The following SPTLC3 variants were observed in gnomAD, a reference collection of about 807,000 sequenced individuals.
The protein encoded by SPTLC3 is serine palmitoyltransferase long chain base subunit 3, also known as serine palmitoyltransferase 3.
A neutral mutation model predicts 59.3 loss-of-function variants in SPTLC3; 36 were observed. That is an observed-to-expected ratio of 0.61 (90% CI 0.47 to 0.80). The LOEUF is 0.80. Ranked by LOEUF, SPTLC3 falls within the 30% of genes least tolerant of loss-of-function variation. The pLI, the probability that SPTLC3 is intolerant of heterozygous loss-of-function variation, is 0.00. For synonymous variants in SPTLC3, 257 were observed against 240.8 expected (o/e 1.07, Z -0.62); for missense variants, 625 against 685.1 (o/e 0.91, Z 0.98).
intron 1 of SPTLC3, among the ~76,000 whole-genome samples, chr20:13,046,974 A>C (rs1031116086): frequency 4.6e-5 from 7 of 152,182 alleles, no homozygotes; most frequent in Non-Finnish European, 1.0e-4. Context: ...GACACACTAG[A>C]CAGGAATATC....
intron 1 of SPTLC3, among the ~76,000 whole-genome samples, chr20:13,034,916 C>T (rs1986668233): frequency 6.6e-6 from 1 of 152,070 alleles, no homozygotes; most frequent in African/African-American, 2.4e-5. Flanking sequence ...TGCAGTGGTC[C>T]AGGAGAAAGG....
intron 1 of SPTLC3, among the ~76,000 whole-genome samples, chr20:13,020,843 T>C (rs1428959290): frequency 1.3e-5 from 2 of 152,136 alleles, no homozygotes; most frequent in Non-Finnish European, 2.9e-5. Flanking sequence ...TGATCCATTC[T>C]TTATGAGGCT....
chr20:13,086,387 C>T (rs1989005902), intron 4 of SPTLC3, among the ~76,000 whole-genome samples: 1 of 152,212 alleles, frequency 6.6e-6, no homozygotes, highest in African/African-American at 2.4e-5. Context: ...AAATCCACCT[C>T]ACCCTAGACC....
chr20:13,108,165 A>C (rs1446698394), intron 6 of SPTLC3, among the ~76,000 whole-genome samples: 2 of 152,194 alleles, frequency 1.3e-5, no homozygotes, highest in East Asian at 1.9e-4. Flanking sequence ...CTGATATTGC[A>C]CTATCAAATT....
At chr20:13,081,418 C>T (rs1988838665) in intron 4 of SPTLC3, among the ~76,000 whole-genome samples, 1 of 152,120 alleles carries the variant, frequency 6.6e-6, no homozygotes, top group South Asian at 2.1e-4. Context: ...TATCAAGGCT[C>T]TTCCTGTGTT....
At chr20:13,042,338 C>G (rs1030085677) in intron 1 of SPTLC3, among the ~76,000 whole-genome samples, 6 of 152,152 alleles carry the variant, frequency 3.9e-5, no homozygotes, top group Admixed American at 6.6e-5. Context: ...TCCCACTGGG[C>G]AAAGCCAATG....
chr20:13,074,557 T>C, intron 4 of SPTLC3, 60 bp downstream of exon 4: 1 of 1,530,616 alleles, frequency 6.5e-7, no homozygotes, highest in South Asian at 1.2e-5. Context: ...CTTGTGTCTG[T>C]CTCTCAAATC....
intron 6 of SPTLC3, among the ~76,000 whole-genome samples, chr20:13,104,104 A>G (rs1989736938): frequency 6.6e-6 from 1 of 152,230 alleles, no homozygotes; most frequent in Admixed American, 6.5e-5. Flanking sequence ...GATTATTCCA[A>G]GTATTTAGTA....
chr20:13,073,324 C>T (rs574726178), intron 3 of SPTLC3, among the ~76,000 whole-genome samples: 23 of 152,250 alleles, frequency 1.5e-4, no homozygotes, highest in African/African-American at 5.3e-4. Flanking sequence ...CTGTGCCTTG[C>T]TTATTTCACT....
chr20:13,049,003 C>A lies in SPTLC3; in HGVS notation c.176C>A (p.Pro59His). 6.2e-7 allele frequency: 1 copy of A among 1,606,004 alleles called. No homozygotes were observed. The highest frequency in any genetic ancestry group is 8.5e-7 in the Non-Finnish European group (1 of 1,177,546). The change falls in exon 2 of 12, where the codon CCC (proline) becomes CAC (histidine). Residue 59 changes from proline to histidine, a missense_variant. Transcript: ENST00000399002. ...KLIVESFEEA[P>H]LHVMVFTYMG... is the part of the protein sequence containing the mutation. The stretch of plus-strand genomic sequence containing the variant: ...ATTGTTGAATCGTTTGAGGAAGCAC[C>A]CCTTCATGTTATGGTTTTCACTTAC...
In SPTLC3 at chr20:13,091,151, G is replaced by C. The variant is rs760665633; in HGVS notation, c.676G>C (p.Val226Leu). The C allele has an allele frequency of 8.1e-6, 13 of 1,614,038 alleles. No individual in the cohort carries two copies. Among genetic ancestry groups the C allele is most frequent in the Non-Finnish European group, 1.1e-5 (13 of 1,179,932 alleles). The change falls in exon 5 of 12, where the codon GTC becomes CTC. Residue 226 changes from valine to leucine, a missense_variant. Val to Leu is a conservative substitution (Grantham distance 32, BLOSUM62 1). Transcript: ENST00000399002. ...GTTCCTGAATGTGGAAGCAGCTATG[G>C]TCTTTGGGATGGGATTCGCAACTAA... ...AKFLNVEAAMVFGMGFATNSM... is the reference protein window; with the variant it reads ...AKFLNVEAAMLFGMGFATNSM...
At chr20:13,040,260 T>A (rs545096606) in intron 1 of SPTLC3, among the ~76,000 whole-genome samples, 2 of 152,306 alleles carry the variant, frequency 1.3e-5, no homozygotes, top group Admixed American at 1.3e-4. Flanking sequence ...GCATAATATA[T>A]GTCTATATAT....
chr20:13,105,395 C>T (rs1906021919), intron 6 of SPTLC3, among the ~76,000 whole-genome samples: 1 of 152,132 alleles, frequency 6.6e-6, no homozygotes, highest in South Asian at 2.1e-4. Context: ...CAACGAAGTC[C>T]CTGACTTGGA....
intron 7 of SPTLC3, among the ~76,000 whole-genome samples, chr20:13,112,631 C>T (rs1338731748): frequency 6.6e-6 from 1 of 152,224 alleles, no homozygotes; most frequent in African/African-American, 2.4e-5. Flanking sequence ...GAAGTCCCCA[C>T]TTTCCAAGAA....
At chr20:13,101,306 T>C (rs1989591918) in intron 6 of SPTLC3, among the ~76,000 whole-genome samples, 1 of 152,196 alleles carries the variant, frequency 6.6e-6, no homozygotes, top group Non-Finnish European at 1.5e-5. Context: ...TGCACAGCAC[T>C]TGTTAACACT....
At chr20:13,025,157 C>G (rs906060891) in intron 1 of SPTLC3, among the ~76,000 whole-genome samples, 2 of 152,192 alleles carry the variant, frequency 1.3e-5, no homozygotes, top group Non-Finnish European at 2.9e-5. Context: ...CAGGTAATAA[C>G]TGCTACCATA....
At chr20:13,029,038 C>T (rs565969935) in intron 1 of SPTLC3, among the ~76,000 whole-genome samples, 5 of 152,288 alleles carry the variant, frequency 3.3e-5, no homozygotes, top group Admixed American at 6.5e-5. Flanking sequence ...AAACAAACTC[C>T]GAAGGAGCCC....
intron 9 of SPTLC3, among the ~76,000 whole-genome samples, chr20:13,127,001 C>G (rs867269298): frequency 6.6e-6 from 1 of 152,206 alleles, no homozygotes; most frequent in African/African-American, 2.4e-5. Context: ...CGTGTGTGTG[C>G]GCGCACGTGA....
At chr20:13,089,338 T>A (rs1451631918) in intron 4 of SPTLC3, among the ~76,000 whole-genome samples, 1 of 152,210 alleles carries the variant, frequency 6.6e-6, no homozygotes, top group Non-Finnish European at 1.5e-5. Flanking sequence ...CAGAAAGCAC[T>A]GCTCAATAAA....
Sources: gnomAD v4.1 joint callset for allele counts (sites outside exome capture counted in the v4.1 genomes callset) on GRCh38, gnomAD v4.1.1 for gene constraint, MANE v1.5 for transcripts, NCBI Gene and HGNC (gene_info 2026-07-23, HGNC 2026-07-21) for gene names.